The following SH3D19 variants were observed in gnomAD, a reference collection of about 807,000 sequenced individuals.
SH3D19 encodes the protein SH3 domain-containing protein 19.
In SH3D19, 58 loss-of-function variants were observed where a neutral mutation model predicts 112.1. That is an observed-to-expected ratio of 0.52 (90% CI 0.42 to 0.64). The LOEUF (loss-of-function observed/expected upper bound fraction) is 0.64, where lower values mean the gene tolerates loss of function less well. Ranked by LOEUF, SH3D19 falls within the 30% of genes least tolerant of loss-of-function variation. The pLI, the probability that SH3D19 is intolerant of heterozygous loss-of-function variation, is 0.00. For missense variants in SH3D19, 1,090 were observed against 1,263.4 expected (o/e 0.86, Z 2.08); for synonymous variants, 391 against 448.5 (o/e 0.87, Z 1.62).
chr4:151,156,092 C>T (rs145358802), intron 9 of SH3D19, among the ~76,000 whole-genome samples: 1 of 152,004 alleles, frequency 6.6e-6, no homozygotes, highest in Non-Finnish European at 1.5e-5. Flanking sequence ...AAAAGAAATA[C>T]CTTGTAATAA....
chr4:151,316,267 C>T (rs72969508), intron 1 of SH3D19, among the ~76,000 whole-genome samples: 3,112 of 152,142 alleles, frequency 0.02, 98 homozygotes, highest in African/African-American at 0.068. Context: ...TCTTCAAAAC[C>T]GTCAGGGTCA....
At chr4:151,192,918 G>A (rs1325679777) in intron 2 of SH3D19, among the ~76,000 whole-genome samples, 1 of 150,922 alleles carries the variant, frequency 6.6e-6, no homozygotes, top group Non-Finnish European at 1.5e-5. Flanking sequence ...ACTACAGCCA[G>A]TTTAAAAATC....
chr4:151,133,319 T>C, intron 15 of SH3D19, 83 bp from the exon 16 acceptor site: 3 of 1,148,578 alleles, frequency 2.6e-6, no homozygotes, highest in Non-Finnish European at 3.8e-6. Context: ...TTTCAATAAA[T>C]ATTTATTCTG....
intron 1 of SH3D19, among the ~76,000 whole-genome samples, chr4:151,286,184 GAAAAAAAAAA>G (rs56850648): frequency 3.5e-5 from 3 of 86,624 alleles, no homozygotes; most frequent in African/African-American, 1.4e-4. Context: ...CTGTCTTAAA[GAAAAAAAAAA>G]AAAAAAAAAA....
In SH3D19 at chr4:151,306,977, A is replaced by G. The variant is rs554777424; in HGVS notation, c.112+18264T>C. Among the ~76,000 whole-genome samples the G allele has an allele frequency of 2.6e-5, 4 of 151,762 alleles. No homozygotes were observed. In the South Asian group the frequency reaches 8.3e-4, roughly 32 times the overall value. On this transcript the variant is annotated intron_variant, in intron 1 of 19. Coordinates refer to ENST00000604030, the MANE Select transcript of SH3D19 (RefSeq NM_001378122.1). ...TACAATTTTCAGGGTTTGGGGTTTT[A>G]AAAAGCAGCAGCTGCTGCAATCACT... is the stretch of plus-strand genomic sequence containing the variant.
intron 9 of SH3D19, among the ~76,000 whole-genome samples, chr4:151,153,529 G>A (rs1281551302): frequency 2.6e-5 from 4 of 152,112 alleles, no homozygotes; most frequent in Admixed American, 2.0e-4. Flanking sequence ...ATACAGGCAT[G>A]AGCCACCGTG....
chr4:151,254,777 G>T (rs974675665), intron 1 of SH3D19, among the ~76,000 whole-genome samples: 27 of 150,658 alleles, frequency 1.8e-4, no homozygotes, highest in Non-Finnish European at 3.4e-4. Flanking sequence ...CACCTTTCCC[G>T]CCTTTCTATT....
chr4:151,245,527 G>C (rs1770879795), intron 1 of SH3D19, among the ~76,000 whole-genome samples: 1 of 152,078 alleles, frequency 6.6e-6, no homozygotes, highest in Non-Finnish European at 1.5e-5. Context: ...AACATTCCTG[G>C]TTTACTGTAG....
At chr4:151,179,840 T>A (rs1301414985) in intron 3 of SH3D19, among the ~76,000 whole-genome samples, 1 of 152,222 alleles carries the variant, frequency 6.6e-6, no homozygotes, top group South Asian at 2.1e-4. Flanking sequence ...CAAATTTTCA[T>A]CTTTTGTCTA....
intron 1 of SH3D19, among the ~76,000 whole-genome samples, chr4:151,238,795 G>C (rs946839307): frequency 1.3e-5 from 2 of 152,014 alleles, no homozygotes; most frequent in African/African-American, 4.8e-5. Flanking sequence ...TCAAGAAGAG[G>C]TAAAGCCACA....
At chr4:151,191,936 C>T (rs572293358) in intron 2 of SH3D19, among the ~76,000 whole-genome samples, 32 of 127,738 alleles carry the variant, frequency 2.5e-4, no homozygotes, top group African/African-American at 8.8e-4. Flanking sequence ...TGAGCCACCA[C>T]ACCCAGCCCT....
chr4:151,283,779 T>C (rs1178312917), intron 1 of SH3D19, among the ~76,000 whole-genome samples: 1 of 152,104 alleles, frequency 6.6e-6, no homozygotes, highest in Non-Finnish European at 1.5e-5. Flanking sequence ...CCTCCTTGGG[T>C]TGCTAGACTT....
chr4:151,181,277 T>C (rs942109992), intron 3 of SH3D19, among the ~76,000 whole-genome samples: 2 of 152,164 alleles, frequency 1.3e-5, no homozygotes, highest in African/African-American at 4.8e-5. Context: ...TCCCCCCTAT[T>C]AACTTCTGCT....
intron 1 of SH3D19, among the ~76,000 whole-genome samples, chr4:151,276,694 G>C (rs1248014862): frequency 1.3e-5 from 2 of 152,178 alleles, no homozygotes; most frequent in Non-Finnish European, 2.9e-5. Context: ...CTCTGTCTTA[G>C]AGTCTGTTTC....
In SH3D19 at chr4:151,133,089, G is replaced by A; in HGVS notation, c.2634C>T (p.Pro878=). 1.9e-6 allele frequency: 3 copies of A among 1,613,966 alleles called. No individual in the cohort carries two copies. The highest frequency in any genetic ancestry group is 2.5e-6 in the Non-Finnish European group (3 of 1,179,928). The change falls in exon 16 of 20, where the codon CCC becomes CCT. Residue 878 remains proline (P), a synonymous_variant. Transcript: ENST00000604030. ...CCTCAACAGGCTCCACAAAGTTCAG[G>A]GGGAAAATCCCAGTTCTGCCTCGAA... ...GEVRGRTGIF[P]LNFVEPVEDY...
chr4:151,188,244 G>C (rs1331372236), intron 2 of SH3D19, among the ~76,000 whole-genome samples: 4 of 152,172 alleles, frequency 2.6e-5, no homozygotes, highest in Non-Finnish European at 4.4e-5. Context: ...GAAAGATTAA[G>C]CTCTAGGAGG....
At chr4:151,312,601 T>C (rs1212567039) in intron 1 of SH3D19, among the ~76,000 whole-genome samples, 1 of 152,102 alleles carries the variant, frequency 6.6e-6, no homozygotes, top group East Asian at 1.9e-4. Context: ...CAGGACCTTG[T>C]TAGAAATGCA....
chr4:151,201,944 A>T (rs1030982556), intron 2 of SH3D19, among the ~76,000 whole-genome samples: 1 of 151,798 alleles, frequency 6.6e-6, no homozygotes, highest in African/African-American at 2.4e-5. Flanking sequence ...CTCGGGAGGC[A>T]GAGGTTACAG....
intron 3 of SH3D19, among the ~76,000 whole-genome samples, chr4:151,185,045 T>TTG (rs1363200244): frequency 1.2e-4 from 2 of 16,178 alleles, no homozygotes; most frequent in Admixed American, 1.6e-3. Flanking sequence ...GTCCTGTTTT[T>TTG]TTTTTTTTTT....
Sources: gnomAD v4.1 joint callset for allele counts (sites outside exome capture counted in the v4.1 genomes callset) on GRCh38, gnomAD v4.1.1 for gene constraint, MANE v1.5 for transcripts, NCBI Gene and HGNC (gene_info 2026-07-23, HGNC 2026-07-21) for gene names.